Variants in DNM3 observed in about 807,000 individuals in gnomAD.
DNM3 encodes the protein dynamin 3, also known as dynamin-3.
In DNM3, 47 loss-of-function variants were observed where a neutral mutation model predicts 101.6. That is an observed-to-expected ratio of 0.46 (90% CI 0.37 to 0.59). DNM3 has a LOEUF of 0.59. DNM3 is among the 20% of genes least tolerant of loss of function. The pLI is 0.00. For missense variants in DNM3, 849 were observed against 1,085.7 expected (o/e 0.78, Z 3.06); for synonymous variants, 385 against 387.9 (o/e 0.99, Z 0.09).
At chr1:172,077,899 G>T (rs2052797228) in intron 11 of DNM3, among the ~76,000 whole-genome samples, 1 of 152,128 alleles carries the variant, frequency 6.6e-6, no homozygotes, top group Non-Finnish European at 1.5e-5. Context: ...TGACAGTGGG[G>T]TGTTAAAGTC....
In DNM3 at chr1:172,408,707, A is replaced by G; in HGVS notation, c.*866A>G. On this transcript the variant is annotated 3_prime_UTR_variant, in exon 21 of 21. Transcript: ENST00000627582. ...TTTTCTATTTGGCATAGCTAACTAC[A>G]CTTTGATACTAACTCCAGTTTTACT... 1 of 984,728 alleles carries G rather than the reference A, an allele frequency of 1.0e-6. No individual in the cohort carries two copies. Among genetic ancestry groups the G allele is most frequent in the Non-Finnish European group, 1.2e-6 (1 of 829,330 alleles). 61.0% of individuals were successfully genotyped at this position (984,728 alleles called of 1,614,324 possible). A position where few individuals can be genotyped will look rare whatever the true frequency, so the allele number is the denominator to read the frequency against.
chr1:172,098,403 ATC>A (rs2054398114), intron 13 of DNM3, among the ~76,000 whole-genome samples: 1 of 152,210 alleles, frequency 6.6e-6, no homozygotes, highest in Non-Finnish European at 1.5e-5. Flanking sequence ...GTTTAAGGTT[ATC>A]TCTCTTGTTC....
chr1:172,160,313 AT>A (rs1297526513), intron 14 of DNM3, among the ~76,000 whole-genome samples: 23 of 152,096 alleles, frequency 1.5e-4, no homozygotes, highest in African/African-American at 5.5e-4. Context: ...AAACTTTCAA[AT>A]TTTTAAAAAC....
At chr1:172,317,220 C>G (rs537122019) in intron 16 of DNM3, among the ~76,000 whole-genome samples, 91 of 151,732 alleles carry the variant, frequency 6.0e-4, no homozygotes, top group African/African-American at 2.1e-3. Context: ...ACCAGAATCT[C>G]TGGGACACAT....
intron 14 of DNM3, among the ~76,000 whole-genome samples, chr1:172,215,295 A>G (rs985018621): frequency 6.6e-6 from 1 of 152,228 alleles, no homozygotes; most frequent in East Asian, 1.9e-4. Context: ...AAATGCTGCC[A>G]TTTGGTAACT....
chr1:172,328,562 C>A (rs2066039826), intron 17 of DNM3, among the ~76,000 whole-genome samples: 1 of 152,128 alleles, frequency 6.6e-6, no homozygotes, highest in South Asian at 2.1e-4. Context: ...ACCACAGGTT[C>A]TCACTTGTAA....
intron 1 of DNM3, among the ~76,000 whole-genome samples, chr1:171,896,200 A>T (rs904415613): frequency 6.6e-6 from 1 of 152,112 alleles, no homozygotes; most frequent in Non-Finnish European, 1.5e-5. Context: ...CTTGATGGGG[A>T]TGGCATTGAA....
intron 2 of DNM3, among the ~76,000 whole-genome samples, chr1:171,970,571 T>A (rs962666417): frequency 2.0e-5 from 3 of 152,248 alleles, no homozygotes; most frequent in South Asian, 2.1e-4. Flanking sequence ...TTTGCTAAGA[T>A]ATATAATTAT....
chr1:172,342,485 T>C (rs1322230293), intron 17 of DNM3, among the ~76,000 whole-genome samples: 1 of 152,218 alleles, frequency 6.6e-6, no homozygotes, highest in Non-Finnish European at 1.5e-5. Context: ...GAGACCATTA[T>C]CGTTAGCAAA....
intron 14 of DNM3, among the ~76,000 whole-genome samples, chr1:172,160,018 G>A (rs898633176): frequency 2.7e-5 from 4 of 150,438 alleles, no homozygotes; most frequent in Non-Finnish European, 3.0e-5. Context: ...GTATCTAAAC[G>A]TGCCTAACAA....
chr1:171,950,935 T>TTCCTCC (rs929152097), intron 2 of DNM3, among the ~76,000 whole-genome samples: 1 of 152,004 alleles, frequency 6.6e-6, no homozygotes, highest in Non-Finnish European at 1.5e-5. Flanking sequence ...CATCTTCCTC[T>TTCCTCC]TCCTCCTCCT....
At chr1:171,984,152 C>T (rs1440895818) in intron 2 of DNM3, among the ~76,000 whole-genome samples, 1 of 152,186 alleles carries the variant, frequency 6.6e-6, no homozygotes, top group Non-Finnish European at 1.5e-5. Context: ...CCACCCTGGT[C>T]TAAGCCTCAG....
intron 17 of DNM3, among the ~76,000 whole-genome samples, chr1:172,375,789 G>A (rs1454753024): frequency 2.0e-5 from 3 of 150,168 alleles, no homozygotes; most frequent in Non-Finnish European, 3.0e-5. Flanking sequence ...CGGGACCATC[G>A]CTTAAAGCCA....
chr1:171,932,308 AT>A (rs1366750185), intron 2 of DNM3, among the ~76,000 whole-genome samples: 1 of 151,066 alleles, frequency 6.6e-6, no homozygotes, highest in Non-Finnish European at 1.5e-5. Flanking sequence ...GGCAAGGCTA[AT>A]TTTTAATTTT....
At chr1:172,038,145 G>T (rs986729220) in intron 6 of DNM3, among the ~76,000 whole-genome samples, 174 bp from the exon 7 acceptor site, 1 of 152,190 alleles carries the variant, frequency 6.6e-6, no homozygotes, top group Non-Finnish European at 1.5e-5. Context: ...GGAGGAGGGA[G>T]TTGGTGTTCC....
intron 1 of DNM3, among the ~76,000 whole-genome samples, chr1:171,912,288 A>G (rs772014643): frequency 4.6e-5 from 7 of 152,170 alleles, no homozygotes; most frequent in Non-Finnish European, 8.8e-5. Flanking sequence ...TGTAGAGCAC[A>G]TATACTGGTA....
chr1:172,327,794 A>G (rs1328685837), intron 17 of DNM3, among the ~76,000 whole-genome samples: 1 of 152,152 alleles, frequency 6.6e-6, no homozygotes, highest in Non-Finnish European at 1.5e-5. Context: ...GAGTTAAAAG[A>G]AAGGATGAAA....
At chr1:171,993,007 C>A (rs1387154953) in intron 4 of DNM3, among the ~76,000 whole-genome samples, 1 of 151,952 alleles carries the variant, frequency 6.6e-6, no homozygotes, top group Non-Finnish European at 1.5e-5. Flanking sequence ...CACTCCCTCC[C>A]CTTCCTATGT....
chr1:172,193,369 C>T (rs956586615), intron 14 of DNM3, among the ~76,000 whole-genome samples: 2 of 152,046 alleles, frequency 1.3e-5, no homozygotes, highest in Non-Finnish European at 2.9e-5. Flanking sequence ...ATGATGTTGG[C>T]CTCATAAAAT....
Sources: gnomAD v4.1 joint callset for allele counts (sites outside exome capture counted in the v4.1 genomes callset) on GRCh38, gnomAD v4.1.1 for gene constraint, MANE v1.5 for transcripts, NCBI Gene and HGNC (gene_info 2026-07-23, HGNC 2026-07-21) for gene names.